Variants in N4BP2 observed in about 807,000 individuals in gnomAD.
N4BP2 encodes the protein NEDD4-binding protein 2.
Under a neutral mutation model 152.8 loss-of-function variants are expected in N4BP2, and 91 were observed. That is an observed-to-expected ratio of 0.60 (90% CI 0.50 to 0.71). N4BP2 has a LOEUF of 0.71. Ranked by LOEUF, N4BP2 falls within the 30% of genes least tolerant of loss-of-function variation. The pLI is 0.00. For missense variants in N4BP2, 1,923 were observed against 2,059.1 expected (o/e 0.93, Z 1.28); for synonymous variants, 646 against 705.3 (o/e 0.92, Z 1.33).
At chr4:40,118,629 C>T (rs1240163332) in intron 8 of N4BP2, among the ~76,000 whole-genome samples, 1 of 152,236 alleles carries the variant, frequency 6.6e-6, no homozygotes, top group East Asian at 1.9e-4. Context: ...TTTTACTTGA[C>T]GCTCGCTGCT....
intron 5 of N4BP2, among the ~76,000 whole-genome samples, chr4:40,110,578 CT>C (rs1385694395): frequency 6.6e-6 from 1 of 152,204 alleles, no homozygotes; most frequent in African/African-American, 2.4e-5. Flanking sequence ...TGCTCTGTCA[CT>C]TAGACTGGAG....
chr4:40,130,649 A>G (rs1718827610), intron 12 of N4BP2, among the ~76,000 whole-genome samples: 1 of 152,136 alleles, frequency 6.6e-6, no homozygotes, highest in Non-Finnish European at 1.5e-5. Context: ...GACTCTTGCC[A>G]TCACACCTGG....
chr4:40,124,041 A>G (rs1288433176), intron 10 of N4BP2, 119 bp from the exon 11 acceptor site: 1 of 633,830 alleles, frequency 1.6e-6, no homozygotes, highest in Admixed American at 2.3e-5. Context: ...AGATTGAGTA[A>G]GAATGGTTTA....
downstream of N4BP2, among the ~76,000 whole-genome samples, chr4:40,160,978 A>C (rs1031644350): frequency 2.6e-5 from 4 of 152,162 alleles, no homozygotes; most frequent in Non-Finnish European, 5.9e-5. Flanking sequence ...TGAATAAAAC[A>C]ATTTCGCCCT....
the N4BP2 span, among the ~76,000 whole-genome samples, chr4:40,181,016 G>A: frequency 6.6e-6 from 1 of 152,164 alleles, no homozygotes; most frequent in Non-Finnish European, 1.5e-5. Context: ...CGGGCATGGT[G>A]GCATGTGCCT....
At chr4:40,103,583 T>G (rs1272199905) in intron 4 of N4BP2, among the ~76,000 whole-genome samples, 1 of 152,226 alleles carries the variant, frequency 6.6e-6, no homozygotes, top group Non-Finnish European at 1.5e-5. Context: ...ATGGAAGACT[T>G]AAATACATTA....
intron 2 of N4BP2, among the ~76,000 whole-genome samples, chr4:40,080,310 G>GTATATATA (rs140955860): frequency 5.6e-4 from 83 of 147,102 alleles, no homozygotes; most frequent in African/African-American, 1.9e-3. Context: ...AGTGTGAGCT[G>GTATATATA]TATATATATA....
chr4:40,062,771 C>T (rs904845201), intron 1 of N4BP2, among the ~76,000 whole-genome samples: 3 of 152,082 alleles, frequency 2.0e-5, no homozygotes, highest in Admixed American at 2.0e-4. Flanking sequence ...GTTCCTTACC[C>T]TCACTTTTGT....
intron 9 of N4BP2, 107 bp downstream of exon 9, chr4:40,122,416 C>G (rs2109999707): frequency 3.0e-6 from 2 of 674,386 alleles, no homozygotes; most frequent in East Asian, 6.0e-5. Context: ...CTCTGTTGCC[C>G]AGGCTGGAGT....
intron 12 of N4BP2, among the ~76,000 whole-genome samples, chr4:40,130,847 A>G (rs1422735886): frequency 6.6e-6 from 1 of 152,232 alleles, no homozygotes; most frequent in South Asian, 2.1e-4. Flanking sequence ...GCATTTTTGT[A>G]GCAAACAAAA....
At chr4:40,136,453 C>T (rs1030911650) in intron 13 of N4BP2, among the ~76,000 whole-genome samples, 4 of 152,068 alleles carry the variant, frequency 2.6e-5, no homozygotes, top group African/African-American at 9.7e-5. Context: ...AGCACCATCT[C>T]AGCCCACTGC....
intron 2 of N4BP2, among the ~76,000 whole-genome samples, chr4:40,075,530 T>C (rs1712644754): frequency 6.6e-6 from 1 of 152,120 alleles, no homozygotes; most frequent in South Asian, 2.1e-4. Context: ...CCTCAGTAGC[T>C]GGGACTACAG....
intron 2 of N4BP2, among the ~76,000 whole-genome samples, chr4:40,076,026 A>G (rs1287340815): frequency 2.0e-5 from 3 of 151,554 alleles, no homozygotes; most frequent in Admixed American, 1.3e-4. Flanking sequence ...TGTTCTCCCT[A>G]TGTTGCCCGG....
chr4:40,167,613 A>G, the N4BP2 span: 1 of 152,218 alleles, frequency 6.6e-6, no homozygotes, highest in Non-Finnish European at 1.5e-5. Context: ...TATCATCTGC[A>G]TATCCCCATC....
intron 2 of N4BP2, among the ~76,000 whole-genome samples, chr4:40,090,668 C>CA (rs1714439480): frequency 6.6e-6 from 1 of 152,156 alleles, no homozygotes; most frequent in Admixed American, 6.6e-5. Context: ...CGTGGTGAGT[C>CA]ACGCCTGTAA....
At chr4:40,079,935 A>G (rs1713183799) in intron 2 of N4BP2, among the ~76,000 whole-genome samples, 1 of 152,184 alleles carries the variant, frequency 6.6e-6, no homozygotes, top group Non-Finnish European at 1.5e-5. Context: ...GAAGAATTTG[A>G]AAAATGCATA....
At chr4:40,082,590 C>G (rs572000552) in intron 2 of N4BP2, among the ~76,000 whole-genome samples, 2 of 152,064 alleles carry the variant, frequency 1.3e-5, no homozygotes, top group African/African-American at 4.8e-5. Flanking sequence ...CCCAGGACTT[C>G]GAGACCAGCG....
rs1384896679 is a variant in N4BP2, at chr4:40,120,783, T to C, written c.2672T>C (p.Leu891Ser). Residue 891 changes from leucine to serine, a missense_variant, in exon 9 of 18, where the codon TTA (leucine) becomes TCA (serine). By Grantham distance (145) the Leu-to-Ser change is moderately radical. Coordinates refer to ENST00000261435, the MANE Select transcript of N4BP2 (RefSeq NM_018177.6). ...GGTGACTGGCCTTCATCTGATTCTT[T>C]AGCTCAGAGGGAACACAGATCAAGA... ...IMGDWPSSDS[L>S]AQREHRSRMP... The C allele has an allele frequency of 8.1e-6, 13 of 1,614,066 alleles. No individual in the cohort carries two copies. Among genetic ancestry groups the C allele is most frequent in the Non-Finnish European group, 1.1e-5 (13 of 1,180,032 alleles).
In N4BP2 at chr4:40,126,011, T is replaced by TA. The variant is rs1398475288; in HGVS notation, c.4331-122dup. ...ATTTTACAATTTCAGAGTTGTGTTA[T>TA]ATTTACAAACTGAAAATTAAAAAAC... On this transcript the variant is annotated intron_variant, in intron 11 of 17. Coordinates refer to ENST00000261435, the MANE Select transcript of N4BP2 (RefSeq NM_018177.6). 9.3e-6 allele frequency: 5 copies of TA among 539,682 alleles called. No individual in the cohort carries two copies. In the African/African-American group the frequency reaches 9.8e-5, roughly 11 times the overall value. 33.4% of individuals were successfully genotyped at this position (539,682 alleles called of 1,614,324 possible).
Sources: gnomAD v4.1 joint callset for allele counts (sites outside exome capture counted in the v4.1 genomes callset) on GRCh38, gnomAD v4.1.1 for gene constraint, MANE v1.5 for transcripts, NCBI Gene and HGNC (gene_info 2026-07-23, HGNC 2026-07-21) for gene names.